Variants in JAKMIP3 observed in about 807,000 individuals in gnomAD.
JAKMIP3 encodes the protein janus kinase and microtubule-interacting protein 3.
Under a neutral mutation model 118.5 loss-of-function variants are expected in JAKMIP3, and 58 were observed. The ratio of observed to expected loss-of-function variants is 0.49; its 90% confidence interval spans 0.40 to 0.61. The LOEUF is 0.61. JAKMIP3 is among the 20% of genes least tolerant of loss of function. The pLI is 0.00. For missense variants in JAKMIP3, 950 were observed against 1,109.0 expected (o/e 0.86, Z 2.04); for synonymous variants, 486 against 451.2 (o/e 1.08, Z -0.98).
chr10:132,148,850 A>T (rs946297898), intron 14 of JAKMIP3, among the ~76,000 whole-genome samples: 1 of 152,184 alleles, frequency 6.6e-6, no homozygotes, highest in African/African-American at 2.4e-5. Context: ...AGCACCACAC[A>T]CAGCCCCGAG....
intron 1 of JAKMIP3, among the ~76,000 whole-genome samples, chr10:132,067,532 G>T (rs763044824): frequency 3.9e-5 from 6 of 152,258 alleles, no homozygotes; most frequent in Non-Finnish European, 5.9e-5. Context: ...TTTGGATCGA[G>T]CTCCTCCAAG....
At chr10:132,104,967 C>T (rs1345617033) in intron 2 of JAKMIP3, 24 bp downstream of exon 2, 3 of 1,570,762 alleles carry the variant, frequency 1.9e-6, no homozygotes. Flanking sequence ...AGACCTCCAC[C>T]CTTGAATGTC....
chr10:132,158,956 C>CCTTTGTGAT lies in JAKMIP3; in HGVS notation c.2221-4253_2221-4252insCTTTGTGAT, dbSNP rs2057421298. On this transcript the variant is annotated intron_variant, in intron 19 of 23. Transcript: ENST00000684848. The stretch of plus-strand genomic sequence containing the variant: ...TGTGATGCTGGGGGGGGGGACCTCT[C>CCTTTGTGAT]GCTGTGTGATGCTGGGGGGGATCTC... Among the ~76,000 whole-genome samples the CCTTTGTGAT allele has an allele frequency of 3.7e-4, 26 of 71,168 alleles. 10 individuals are homozygous for CCTTTGTGAT. Among genetic ancestry groups the CCTTTGTGAT allele is most frequent in the African/African-American group, 1.3e-3 (23 of 17,402 alleles). The allele number at this position is 71,168 out of a possible 152,430, so 46.7% of individuals were successfully genotyped here.
At chr10:132,139,322 G>GAA (rs2052804072) in intron 9 of JAKMIP3, among the ~76,000 whole-genome samples, 5 of 148,824 alleles carry the variant, frequency 3.4e-5, no homozygotes, top group African/African-American at 1.0e-4. Flanking sequence ...GTATGTGTAT[G>GAA]TGTGTGTGTT....
intron 1 of JAKMIP3, among the ~76,000 whole-genome samples, chr10:132,058,530 C>A (rs572162840): frequency 4.4e-4 from 67 of 152,326 alleles, no homozygotes; most frequent in African/African-American, 1.4e-3. Flanking sequence ...AGCAGAGAAC[C>A]CTCCTCCCCG....
intron 23 of JAKMIP3, among the ~76,000 whole-genome samples, chr10:132,171,244 G>A (rs1305074927): frequency 6.6e-6 from 1 of 152,194 alleles, no homozygotes; most frequent in Non-Finnish European, 1.5e-5. Flanking sequence ...CTCCGAGTGT[G>A]CAGTCTCCAG....
chr10:132,068,368 C>T (rs1393819994), intron 1 of JAKMIP3, among the ~76,000 whole-genome samples: 2 of 152,204 alleles, frequency 1.3e-5, no homozygotes, highest in Non-Finnish European at 2.9e-5. Flanking sequence ...CCATTTGGAC[C>T]CTGAAACGGC....
intron 1 of JAKMIP3, among the ~76,000 whole-genome samples, chr10:132,080,503 ATTTTTTTTTTTTTTTTTTTT>A (rs201838731): frequency 4.9e-5 from 3 of 61,578 alleles, no homozygotes; most frequent in Non-Finnish European, 8.8e-5. Flanking sequence ...AAGTTATAGG[ATTTTTTTTTTTTTTTTTTTT>A]TTTTTTTTTT....
At chr10:132,088,612 T>C (rs2042707981) in intron 1 of JAKMIP3, among the ~76,000 whole-genome samples, 1 of 152,238 alleles carries the variant, frequency 6.6e-6, no homozygotes, top group South Asian at 2.1e-4. Context: ...TATTAGCCCT[T>C]TGTCAGATGA....
chr10:132,078,001 G>A (rs1240542742), intron 1 of JAKMIP3, among the ~76,000 whole-genome samples: 6 of 152,114 alleles, frequency 3.9e-5, no homozygotes, highest in Non-Finnish European at 7.4e-5. Flanking sequence ...TAGTAGAGAC[G>A]GGGTTTCACT....
intron 3 of JAKMIP3, among the ~76,000 whole-genome samples, chr10:132,128,258 C>T (rs555318923): frequency 6.6e-5 from 10 of 152,316 alleles, no homozygotes; most frequent in Admixed American, 3.3e-4. Flanking sequence ...TGTTAGTTTC[C>T]GTTGAAAAGC....
At position 132,180,158 on chromosome 10, in the gene JAKMIP3, A is replaced by G. The variant is rs555722924; in HGVS notation, c.*1104-2199A>G. The stretch of plus-strand genomic sequence containing the variant: ...ACCTCCTCACTAAAGGAATGCTTCG[A>G]AGCCAAGTTCCCAGACGCCAGCCAA... On this transcript the variant is annotated intron_variant, in intron 23 of 23. Coordinates refer to ENST00000684848, the MANE Select transcript of JAKMIP3 (RefSeq NM_001323087.2). Among the ~76,000 whole-genome samples the G allele has an allele frequency of 3.3e-5, 5 of 152,266 alleles. No individual in the cohort carries two copies. The South Asian group carries it at 1.0e-3, about 32-fold the overall frequency.
chr10:132,047,353 C>T (rs1342513123), intron 1 of JAKMIP3, among the ~76,000 whole-genome samples: 2 of 152,176 alleles, frequency 1.3e-5, no homozygotes, highest in Non-Finnish European at 1.5e-5. Context: ...TGATAGTTAC[C>T]GTGGCAATAG....
chr10:132,052,784 T>G (rs2038136200), intron 1 of JAKMIP3, among the ~76,000 whole-genome samples: 1 of 152,228 alleles, frequency 6.6e-6, no homozygotes, highest in Non-Finnish European at 1.5e-5. Flanking sequence ...TGAAGTTATT[T>G]TCAAGCTTGT....
upstream of JAKMIP3, among the ~76,000 whole-genome samples, chr10:132,065,100 G>C (rs1462383434): frequency 1.3e-5 from 2 of 152,154 alleles, no homozygotes; most frequent in East Asian, 3.9e-4. The surrounding 1 kb of genome is among the most constrained non-coding windows in gnomAD (Gnocchi z 5.6). Context: ...GCCGGAGACA[G>C]GGCAGGGCAG....
intron 1 of JAKMIP3, among the ~76,000 whole-genome samples, chr10:132,079,509 C>T (rs917850849): frequency 6.6e-6 from 1 of 152,140 alleles, no homozygotes; most frequent in African/African-American, 2.4e-5. Flanking sequence ...GGAAACAAGC[C>T]AGGAGGGTTG....
intron 1 of JAKMIP3, among the ~76,000 whole-genome samples, chr10:132,089,575 C>G (rs2042857113): frequency 6.6e-6 from 1 of 152,186 alleles, no homozygotes; most frequent in Admixed American, 6.5e-5. Context: ...TGAGACTTTG[C>G]TGAAGTTGCT....
At chr10:132,135,660 G>A (rs545093695) in intron 5 of JAKMIP3, among the ~76,000 whole-genome samples, 4 of 152,320 alleles carry the variant, frequency 2.6e-5, no homozygotes, top group Admixed American at 1.3e-4. Flanking sequence ...CCCCGGGGAC[G>A]CCGAGCCCAG....
At chr10:132,151,147 C>T (rs1436120877) in intron 16 of JAKMIP3, among the ~76,000 whole-genome samples, 3 of 152,166 alleles carry the variant, frequency 2.0e-5, no homozygotes, top group Admixed American at 6.5e-5. Flanking sequence ...TCCATTCATT[C>T]ATCCATTCTC....
Sources: gnomAD v4.1 joint callset for allele counts (sites outside exome capture counted in the v4.1 genomes callset) on GRCh38, gnomAD v4.1.1 for gene constraint, Gnocchi (gnomAD v3.1) non-coding constraint, MANE v1.5 for transcripts, NCBI Gene and HGNC (gene_info 2026-07-23, HGNC 2026-07-21) for gene names.